DPP10: variants seen among roughly 807,000 people sequenced by gnomAD.
DPP10 encodes the protein dipeptidyl peptidase like 10, also known as inactive dipeptidyl peptidase 10.
DPP10 carries 33 observed loss-of-function variants against 120.9 expected under a neutral mutation model. That is an observed-to-expected ratio of 0.27 (90% CI 0.21 to 0.37). The LOEUF (loss-of-function observed/expected upper bound fraction) is 0.37, where lower values mean the gene tolerates loss of function less well. Ranked by LOEUF, DPP10 falls within the 10% of genes least tolerant of loss-of-function variation. The pLI is 1.00. For missense variants in DPP10, 816 were observed against 942.8 expected (o/e 0.87, Z 1.76); for synonymous variants, 337 against 326.1 (o/e 1.03, Z -0.36).
At chr2:114,619,390 T>C (rs1693916031) in intron 1 of DPP10, among the ~76,000 whole-genome samples, 1 of 151,628 alleles carries the variant, frequency 6.6e-6, no homozygotes, top group Admixed American at 6.6e-5. Flanking sequence ...TATGTGTGTG[T>C]GTGTGTGTGT....
chr2:115,025,604 T>G (rs1703402969), intron 1 of DPP10, among the ~76,000 whole-genome samples: 1 of 152,136 alleles, frequency 6.6e-6, no homozygotes, highest in Non-Finnish European at 1.5e-5. Flanking sequence ...GCTGTACTAA[T>G]AATTTACATT....
chr2:115,021,655 G>A (rs1297709445), intron 1 of DPP10, among the ~76,000 whole-genome samples: 3 of 151,994 alleles, frequency 2.0e-5, no homozygotes, highest in Non-Finnish European at 4.4e-5. Context: ...TACCTAAATC[G>A]TTTTATGAAG....
At chr2:115,201,369 A>G (rs566994886) in intron 1 of DPP10, among the ~76,000 whole-genome samples, 2 of 152,194 alleles carry the variant, frequency 1.3e-5, no homozygotes, top group Non-Finnish European at 2.9e-5. Flanking sequence ...AGGCTGAAGC[A>G]GGAGAATTGC....
At chr2:115,239,213 A>G (rs905523639) in intron 1 of DPP10, among the ~76,000 whole-genome samples, 4 of 152,162 alleles carry the variant, frequency 2.6e-5, no homozygotes, top group Non-Finnish European at 4.4e-5. Flanking sequence ...AATCAAATTA[A>G]GTCGACACTC....
intron 3 of DPP10, among the ~76,000 whole-genome samples, chr2:115,385,667 G>C (rs748058330): frequency 1.3e-5 from 2 of 152,076 alleles, no homozygotes; most frequent in Non-Finnish European, 2.9e-5. Flanking sequence ...TGTTTAATCA[G>C]ATTTCTATAG....
At chr2:114,444,939 A>C (rs1677856493) in intron 1 of DPP10, among the ~76,000 whole-genome samples, 1 of 152,192 alleles carries the variant, frequency 6.6e-6, no homozygotes, top group African/African-American at 2.4e-5. Flanking sequence ...GGATGAGTGG[A>C]AAATCTCTCT....
At chr2:115,086,576 C>G (rs1178087880) in intron 1 of DPP10, among the ~76,000 whole-genome samples, 3 of 151,896 alleles carry the variant, frequency 2.0e-5, no homozygotes, top group Admixed American at 6.6e-5. Context: ...CCTGCCTCAG[C>G]CTCCCCAGTA....
chr2:114,833,862 T>A (rs1018615089), intron 1 of DPP10: 1 of 152,112 alleles, frequency 6.6e-6, no homozygotes, highest in Non-Finnish European at 1.5e-5. Context: ...ATAAACCCTC[T>A]TTTTGTCCTA....
chr2:115,189,533 A>T (rs1271101326), intron 1 of DPP10, among the ~76,000 whole-genome samples: 2 of 152,226 alleles, frequency 1.3e-5, no homozygotes, highest in East Asian at 3.9e-4. Context: ...AGAGCTGAAC[A>T]TACTGACATA....
chr2:114,959,321 T>A (rs1698442240), intron 1 of DPP10, among the ~76,000 whole-genome samples: 1 of 152,230 alleles, frequency 6.6e-6, no homozygotes, highest in Non-Finnish European at 1.5e-5. Flanking sequence ...CTGAGTAGAA[T>A]CTTACAGTAT....
intron 4 of DPP10, among the ~76,000 whole-genome samples, chr2:115,512,312 C>T (rs1271611908): frequency 2.0e-5 from 3 of 151,926 alleles, no homozygotes; most frequent in Admixed American, 1.3e-4. Context: ...TTTGCCCAGG[C>T]TGGTTGTGAA....
chr2:115,273,575 A>G (rs1469836184), intron 1 of DPP10, among the ~76,000 whole-genome samples: 1 of 152,130 alleles, frequency 6.6e-6, no homozygotes, highest in Non-Finnish European at 1.5e-5. Context: ...TGACCTCGTG[A>G]TCCGCCCGCC....
intron 1 of DPP10, among the ~76,000 whole-genome samples, chr2:114,943,041 C>T (rs1574537107): frequency 1.3e-5 from 2 of 152,020 alleles, no homozygotes; most frequent in Non-Finnish European, 2.9e-5. Flanking sequence ...TAATGCTATC[C>T]CTCCTCTAGC....
intron 1 of DPP10, among the ~76,000 whole-genome samples, chr2:114,726,164 A>T (rs1171311470): frequency 1.3e-5 from 2 of 150,328 alleles, no homozygotes; most frequent in African/African-American, 4.9e-5. Context: ...TGAACCCGGG[A>T]GGCGGAGCTT....
chr2:114,613,943 G>A lies in DPP10; in HGVS notation c.60+171105G>A, dbSNP rs1693476935. 2.0e-5 allele frequency among the ~76,000 whole-genome samples: 3 copies of A among 152,046 alleles called. No individual in the cohort carries two copies. In the South Asian group the frequency reaches 6.2e-4, roughly 32 times the overall value. On this transcript the variant is annotated intron_variant, in intron 1 of 25. Transcript: ENST00000410059. ...TGAGAACACATGGACCCAGGAAGGG[G>A]AACATCATACACCAGGGCCTGTCGG... is the stretch of plus-strand genomic sequence containing the variant.
intron 5 of DPP10, among the ~76,000 whole-genome samples, chr2:115,628,863 C>T (rs768127070): frequency 2.6e-5 from 4 of 151,542 alleles, no homozygotes; most frequent in Non-Finnish European, 4.4e-5. Context: ...ATGTGCACAA[C>T]GTGCAGGTTT....
intron 1 of DPP10, among the ~76,000 whole-genome samples, chr2:115,083,108 A>G (rs1385195065): frequency 6.6e-6 from 1 of 152,034 alleles, no homozygotes; most frequent in East Asian, 1.9e-4. Context: ...GAATTTCTGT[A>G]CTATTCATTC....
intron 5 of DPP10, among the ~76,000 whole-genome samples, chr2:115,681,536 G>T (rs1309273154): frequency 6.6e-6 from 1 of 151,692 alleles, no homozygotes; most frequent in Non-Finnish European, 1.5e-5. Context: ...AGCTTTTCTG[G>T]TTGTAATCTC....
intron 1 of DPP10, among the ~76,000 whole-genome samples, chr2:115,090,689 A>AT (rs10650818): frequency 0.49 from 73,644 of 151,810 alleles, 18,538 homozygotes; most frequent in East Asian, 0.61. Flanking sequence ...TTTCTGGACG[A>AT]TTTTTTTGGT....
Sources: allele counts gnomAD v4.1 joint callset (sites outside exome capture counted in the v4.1 genomes callset), GRCh38; gene constraint gnomAD v4.1.1; transcripts MANE v1.5; gene names NCBI Gene and HGNC (gene_info 2026-07-23, HGNC 2026-07-21).